Variants in CDX2 observed in about 807,000 individuals in gnomAD.
The protein encoded by CDX2 is homeobox protein CDX-2.
Under a neutral mutation model 25.5 loss-of-function variants are expected in CDX2, and 7 were observed. The observed-to-expected ratio is 0.27, with a 90% CI of 0.16 to 0.52. The LOEUF (loss-of-function observed/expected upper bound fraction) is 0.52. Among genes scored for constraint, CDX2 ranks in the 20% least tolerant of loss-of-function variants. The probability of loss-of-function intolerance (pLI) is 0.97; values close to 1 mark genes in which losing one functional copy is unlikely to be tolerated. For missense variants in CDX2, 375 were observed against 431.4 expected (o/e 0.87, Z 1.16); for synonymous variants, 222 against 198.6 (o/e 1.12, Z -0.99).
Position 27,962,746 on chromosome 13 carries a change from C to G in CDX2, c.*369G>C. 1 of 252,530 alleles carries G rather than the reference C, an allele frequency of 4.0e-6. No individual in the cohort carries two copies. The highest frequency in any genetic ancestry group is 2.2e-5 in the African/African-American group (1 of 46,248). 15.6% of individuals were successfully genotyped at this position (252,530 alleles called of 1,614,324 possible). A position where few individuals can be genotyped will look rare whatever the true frequency, so the allele number is the denominator to read the frequency against. On this transcript the variant is annotated 3_prime_UTR_variant, in exon 3 of 3. Coordinates refer to ENST00000381020, the MANE Select transcript of CDX2 (RefSeq NM_001265.6). Reference sequence around the variant, plus strand: ...TTTCCCTTGAGTCCCTCTCTCCCCTCGGCTCTAGCCAGAGGTGCAGCCTGC... The same window carrying G: ...TTTCCCTTGAGTCCCTCTCTCCCCTGGGCTCTAGCCAGAGGTGCAGCCTGC...
At chr13:27,967,979 A>ACC (rs568632599) in intron 1 of CDX2, among the ~76,000 whole-genome samples, 163 of 151,542 alleles carry the variant, frequency 1.1e-3, no homozygotes, top group African/African-American at 3.8e-3. Context: ...CCATCCTCCG[A>ACC]CCCCCCCAGG....
intron 1 of CDX2, chr13:27,967,204 G>A (rs1482566519): frequency 4.3e-6 from 2 of 464,582 alleles, no homozygotes; most frequent in East Asian, 4.9e-5. Context: ...CCCCTGCTAG[G>A]AGAAAGGCGC....
chr13:27,966,916 G>C (rs1380629586), intron 1 of CDX2, among the ~76,000 whole-genome samples: 2 of 129,478 alleles, frequency 1.5e-5, no homozygotes, highest in African/African-American at 6.0e-5. Flanking sequence ...GCCCGGCTCC[G>C]GCCCGCGGGC....
rs543504608 is a variant in CDX2, at chr13:27,961,189, G to C, written c.*1926C>G. On this transcript the variant is annotated 3_prime_UTR_variant, in exon 3 of 3. Transcript: ENST00000381020. The stretch of plus-strand genomic sequence containing the variant: ...CCAGGCGCCCGCGGGCCGGGCCACC[G>C]GAGCCCCTTTCCCAATCCTGGAGCT... Among the ~76,000 whole-genome samples the C allele has an allele frequency of 6.6e-6, 1 of 152,210 alleles. No homozygotes were observed. The highest frequency in any genetic ancestry group is 1.5e-5 in the Non-Finnish European group (1 of 68,040).
intron 1 of CDX2, 87 bp downstream of exon 1, chr13:27,968,379 T>C: frequency 7.4e-7 from 1 of 1,357,846 alleles, no homozygotes; most frequent in Non-Finnish European, 9.4e-7. Flanking sequence ...GACGCCCCTG[T>C]GCGCACTGGA....
rs1424913492 is a variant in CDX2, at chr13:27,964,474, A to T, written c.687+396T>A. On this transcript the variant is annotated intron_variant, in intron 2 of 2. Coordinates refer to ENST00000381020, the MANE Select transcript of CDX2 (RefSeq NM_001265.6). The surrounding 1 kb of genome is among the most constrained non-coding windows in gnomAD (Gnocchi z 4.7). The stretch of plus-strand genomic sequence containing the variant: ...ACACCGGTAATCTCAGCACTTTAGG[A>T]GTCCAAGACAGGAGGAGCATTTGGA... 6.6e-6 allele frequency among the ~76,000 whole-genome samples: 1 copy of T among 152,122 alleles called. No homozygotes were observed. Among genetic ancestry groups the T allele is most frequent in the African/African-American group, 2.4e-5 (1 of 41,440 alleles).
rs1376961654 is a variant in CDX2 at position 27,968,965 on chromosome 13, G to A, written c.42C>T (p.Tyr14=). ...CGCCAGAGTGGCGCACGGAGCTAGG[G>A]TACATGCTCACGTCCTTGTCCAGGA... ...SYLLDKDVSM[Y]PSSVRHSGGL... is the part of the protein sequence containing the mutation. The change falls in exon 1 of 3, where the codon TAC becomes TAT. Residue 14 remains tyrosine (Y), a synonymous_variant. Transcript: ENST00000381020. 1.2e-6 allele frequency: 2 copies of A among 1,605,764 alleles called. No homozygotes were observed. The highest frequency in any genetic ancestry group is 1.1e-5 in the South Asian group (1 of 90,828).
chr13:27,967,352 A>G (rs1455302758), intron 1 of CDX2: 1 of 522,634 alleles, frequency 1.9e-6, no homozygotes, highest in African/African-American at 1.9e-5. Flanking sequence ...ATGCCCAGAG[A>G]CAGCCCCCAA....
At chr13:27,965,131 CGGG>C in intron 1 of CDX2, 116 bp from the exon 2 acceptor site, 1 of 1,179,196 alleles carries the variant, frequency 8.5e-7, no homozygotes, top group East Asian at 2.6e-5. Flanking sequence ...CTGGGGGGCC[CGGG>C]TTTGGCTGGT....
rs1286254803 is a variant in CDX2, at chr13:27,961,093, C to T, written c.*2022G>A. The stretch of plus-strand genomic sequence containing the variant: ...CCCAGGACCCCTCGCCCAGCGGACC[C>T]GGACACGGCTTCCTCCTCTGCCCGG... On this transcript the variant is annotated 3_prime_UTR_variant, in exon 3 of 3. Transcript: ENST00000381020. 6.6e-6 allele frequency among the ~76,000 whole-genome samples: 1 copy of T among 152,098 alleles called. No individual in the cohort carries two copies. Among genetic ancestry groups the T allele is most frequent in the Non-Finnish European group, 1.5e-5 (1 of 68,012 alleles).
intron 1 of CDX2, among the ~76,000 whole-genome samples, chr13:27,968,235 G>A (rs1869434252): frequency 6.6e-6 from 1 of 152,212 alleles, no homozygotes; most frequent in Non-Finnish European, 1.5e-5. Context: ...GAAAGAGGAC[G>A]CCTGAACACG....
At chr13:27,966,239 C>T (rs1869315269) in intron 1 of CDX2, among the ~76,000 whole-genome samples, 1 of 152,244 alleles carries the variant, frequency 6.6e-6, no homozygotes, top group South Asian at 2.1e-4. Context: ...CTTTCATCCC[C>T]CTCCCCGCCA....
rs770693358 is a variant in CDX2, at chr13:27,963,232, C to T, written c.825G>A (p.Leu275=). 6.2e-7 allele frequency: 1 copy of T among 1,614,220 alleles called. No homozygotes were observed. Among genetic ancestry groups the T allele is most frequent in the Admixed American group, 1.7e-5 (1 of 60,032 alleles). Residue 275 remains leucine (L), a synonymous_variant, in exon 3 of 3, where the codon CTG becomes CTA. Coordinates refer to ENST00000381020, the MANE Select transcript of CDX2 (RefSeq NM_001265.6). ...PQPPQPQPGP[L]RSVPEPLSPV... ...GACTCAAGGGCTCTGGGACACTTCT[C>T]AGAGGACCTGGCTGAGGCTGGGGAG...
Position 27,963,034 on chromosome 13 carries a change from G to GT in CDX2, c.*80dup. On this transcript the variant is annotated 3_prime_UTR_variant, in exon 3 of 3. Coordinates refer to ENST00000381020, the MANE Select transcript of CDX2 (RefSeq NM_001265.6). ...TATGGCTGTGGGTGGGAGGGGAGGG[G>GT]TCTCTCCTGAGGAGTCTAGCAGAGT... The GT allele has an allele frequency of 6.8e-7, 1 of 1,469,342 alleles. No individual in the cohort carries two copies. The highest frequency in any genetic ancestry group is 9.0e-7 in the Non-Finnish European group (1 of 1,106,508). 91.0% of individuals were successfully genotyped at this position (1,469,342 alleles called of 1,614,324 possible).
At chr13:27,965,894 G>C (rs1015863778) in intron 1 of CDX2, among the ~76,000 whole-genome samples, 4 of 152,192 alleles carry the variant, frequency 2.6e-5, no homozygotes, top group African/African-American at 9.7e-5. Context: ...GTTCTCTCTG[G>C]CTCCGTCCCA....
chr13:27,966,114 C>T (rs1869309374), intron 1 of CDX2, among the ~76,000 whole-genome samples: 1 of 152,234 alleles, frequency 6.6e-6, no homozygotes, highest in Non-Finnish European at 1.5e-5. Flanking sequence ...GAAAGGCCAA[C>T]ACAGCCGCAA....
chr13:27,964,163 G>T lies in CDX2; in HGVS notation c.687+707C>A, dbSNP rs929097970. Among the ~76,000 whole-genome samples, 1 of 151,980 alleles carries T rather than the reference G, an allele frequency of 6.6e-6. No individual in the cohort carries two copies. On this transcript the variant is annotated intron_variant, in intron 2 of 2. Transcript: ENST00000381020. The surrounding 1 kb of genome is among the most constrained non-coding windows in gnomAD (Gnocchi z 4.7). ...ACCTGTAATCTCAGCACTTTGGGAG[G>T]CCGAGGCGGGTGGATCACCTGAGGC...
At position 27,968,947 on chromosome 13, in the gene CDX2, G is replaced by A. The variant is rs142407700; in HGVS notation, c.60C>T (p.His20=). 762 of 1,608,188 alleles carry A rather than the reference G, an allele frequency of 4.7e-4. No individual in the cohort carries two copies. The highest frequency in any genetic ancestry group is 6.1e-4 in the Non-Finnish European group (725 of 1,179,372). The part of the protein sequence containing the change: ...DVSMYPSSVR[H]SGGLNLAPQN... The stretch of plus-strand genomic sequence containing the variant: ...GCGGCGCCAGGTTGAGGCCGCCAGA[G>A]TGGCGCACGGAGCTAGGGTACATGC... Residue 20 remains histidine (H), a synonymous_variant, in exon 1 of 3, where the codon CAC becomes CAT. Transcript: ENST00000381020.
Position 27,968,558 on chromosome 13 carries a change from G to A in CDX2, c.449C>T (p.Thr150Ile). The A allele has an allele frequency of 1.3e-6, 2 of 1,567,668 alleles. No individual in the cohort carries two copies. The highest frequency in any genetic ancestry group is 2.8e-5 in the African/African-American group (2 of 71,162). ...LNPGPPGPAATAAAEQLSPGG... is the reference protein window; with the variant it reads ...LNPGPPGPAAIAAAEQLSPGG... The stretch of plus-strand genomic sequence containing the variant: ...GGGAGACAGCTGCTCGGCGGCAGCG[G>A]TGGCGGCGGGCCCAGGAGGGCCGGG... Residue 150 changes from threonine (T) to isoleucine (I), a missense_variant, in exon 1 of 3, where the codon ACC (threonine) becomes ATC (isoleucine). Transcript: ENST00000381020.
Sources: allele counts gnomAD v4.1 joint callset (sites outside exome capture counted in the v4.1 genomes callset), GRCh38; gene constraint gnomAD v4.1.1; non-coding constraint Gnocchi (gnomAD v3.1); transcripts MANE v1.5; gene names NCBI Gene and HGNC (gene_info 2026-07-23, HGNC 2026-07-21).